The following PRTFDC1 variants were observed in gnomAD, a reference collection of about 807,000 sequenced individuals.
PRTFDC1 encodes phosphoribosyl transferase domain containing 1, also known as phosphoribosyltransferase domain-containing protein 1.
In PRTFDC1, 38 loss-of-function variants were observed where a neutral mutation model predicts 34.6. The ratio of observed to expected loss-of-function variants is 1.10; its 90% CI spans 0.85 to 1.44. PRTFDC1 has a LOEUF of 1.44. Among genes scored for constraint, PRTFDC1 ranks in the 40% most tolerant of loss-of-function variants. The pLI, the probability that PRTFDC1 is intolerant of heterozygous loss-of-function variation, is 0.00. For synonymous variants in PRTFDC1, 93 were observed against 98.1 expected, an observed-to-expected ratio of 0.95 and a Z score of 0.31; for missense variants, 270 against 283.0, an observed-to-expected ratio of 0.95 and a Z score of 0.33.
In PRTFDC1 at chr10:24,872,702, C is replaced by T. The variant is rs147149138; in HGVS notation, c.340-639G>A. ...GTGTGTGTGTGTATATATATATATA[C>T]ACAAAATATATATAATACACAAAAT... On this transcript the variant is annotated intron_variant, in intron 3 of 8. Transcript: ENST00000320152. Among the ~76,000 whole-genome samples, 20 of 131,726 alleles carry T rather than the reference C, an allele frequency of 1.5e-4. No individual in the cohort carries two copies. In the East Asian group the frequency reaches 3.8e-3, roughly 25 times the overall value. 86.4% of individuals were successfully genotyped at this position (131,726 alleles called of 152,430 possible). A position where few individuals can be genotyped will look rare whatever the true frequency, so the allele number is the denominator to read the frequency against.
rs1032366112 is a variant in PRTFDC1, at chr10:24,950,175, C to T, written c.48+2353G>A. ...TTGTTTTTTAGACTTCAACAATTTA[C>T]CTACTCTATCCGTGCATCTAGATTC... On this transcript the variant is annotated intron_variant, in intron 1 of 8. Coordinates refer to ENST00000320152, the MANE Select transcript of PRTFDC1 (RefSeq NM_020200.7). 8.5e-5 allele frequency among the ~76,000 whole-genome samples: 13 copies of T among 152,154 alleles called. 1 individual carries two copies. Among genetic ancestry groups the T allele is most frequent in the Admixed American group, 8.5e-4 (13 of 15,270 alleles).
intron 3 of PRTFDC1, 131 bp downstream of exon 3, chr10:24,937,053 A>G: frequency 1.1e-6 from 1 of 878,540 alleles, no homozygotes; most frequent in African/African-American, 1.7e-5. Flanking sequence ...TATTCTTGCA[A>G]ATTAAAATTA....
At chr10:24,885,194 G>A (rs1055547418) in intron 3 of PRTFDC1, among the ~76,000 whole-genome samples, 5 of 152,154 alleles carry the variant, frequency 3.3e-5, no homozygotes, top group African/African-American at 7.2e-5. Context: ...TTGTATTCTC[G>A]TCCTGGGACC....
chr10:24,889,507 T>A (rs11014283), intron 3 of PRTFDC1, among the ~76,000 whole-genome samples: 1 of 151,896 alleles, frequency 6.6e-6, no homozygotes, highest in Non-Finnish European at 1.5e-5. Flanking sequence ...TGTAAGAAAC[T>A]TTAAGCAAAA....
At chr10:24,905,949 T>C (rs145859316) in intron 3 of PRTFDC1, among the ~76,000 whole-genome samples, 1 of 152,092 alleles carries the variant, frequency 6.6e-6, no homozygotes, top group Non-Finnish European at 1.5e-5. Flanking sequence ...TCTATCTCCA[T>C]GAGTTCAATT....
chr10:24,901,442 T>C (rs77715437), intron 3 of PRTFDC1, among the ~76,000 whole-genome samples: 1 of 152,166 alleles, frequency 6.6e-6, no homozygotes, highest in African/African-American at 2.4e-5. Context: ...AAAATGTTTT[T>C]TATTTTAAAG....
intron 4 of PRTFDC1, among the ~76,000 whole-genome samples, chr10:24,869,993 C>T (rs1324351910): frequency 2.0e-5 from 3 of 152,212 alleles, no homozygotes; most frequent in East Asian, 3.8e-4. Flanking sequence ...TGGTCTCTGC[C>T]CACTTCATGC....
intron 3 of PRTFDC1, among the ~76,000 whole-genome samples, chr10:24,879,478 G>T (rs1293249848): frequency 2.6e-5 from 4 of 152,026 alleles, no homozygotes; most frequent in African/African-American, 9.7e-5. Context: ...CAAGTAACTG[G>T]GATTACAGGT....
intron 1 of PRTFDC1, among the ~76,000 whole-genome samples, chr10:24,950,919 A>G (rs145556054): frequency 3.3e-5 from 5 of 152,306 alleles, no homozygotes; most frequent in African/African-American, 1.2e-4. Context: ...CAAATTGCCT[A>G]CAGTGCAGGC....
rs139811615 is a variant in PRTFDC1, at chr10:24,947,316, T to C, written c.49-4880A>G. ...ATGCTTTGCTAACTTCAATGGTGCA[T>C]GCAAATCGTGTTGTAAATAAATCAA... On this transcript the variant is annotated intron_variant, in intron 1 of 8. Transcript: ENST00000320152. Among the ~76,000 whole-genome samples the C allele has an allele frequency of 2.0e-3, 309 of 152,336 alleles. 1 individual carries two copies. The highest frequency in any genetic ancestry group is 7.2e-3 in the African/African-American group (298 of 41,586).
chr10:24,918,349 T>TCA (rs1848729033), intron 3 of PRTFDC1, among the ~76,000 whole-genome samples: 1 of 152,180 alleles, frequency 6.6e-6, no homozygotes, highest in Non-Finnish European at 1.5e-5. Context: ...TCATATCATA[T>TCA]TATATATATC....
chr10:24,876,833 A>T (rs1430123085), intron 3 of PRTFDC1, among the ~76,000 whole-genome samples: 1 of 99,104 alleles, frequency 1.0e-5, no homozygotes, highest in Non-Finnish European at 2.1e-5. Flanking sequence ...CTTTCCCCCA[A>T]CCCCCCGCCC....
intron 3 of PRTFDC1, among the ~76,000 whole-genome samples, chr10:24,893,462 T>C (rs1848299104): frequency 1.3e-5 from 2 of 151,872 alleles, no homozygotes; most frequent in African/African-American, 4.8e-5. Flanking sequence ...TTAGTGTTTT[T>C]TTGTTTTGTT....
chr10:24,938,434 G>C (rs1849090244), intron 2 of PRTFDC1, among the ~76,000 whole-genome samples: 1 of 152,190 alleles, frequency 6.6e-6, no homozygotes, highest in Non-Finnish European at 1.5e-5. Flanking sequence ...TGAGTCTGGG[G>C]CATTCTTGTG....
rs746586469 is a variant in PRTFDC1 at position 24,849,793 on chromosome 10, C to T, written c.*51G>A. On this transcript the variant is annotated 3_prime_UTR_variant, in exon 9 of 9. Coordinates refer to ENST00000320152, the MANE Select transcript of PRTFDC1 (RefSeq NM_020200.7). Reference sequence around the variant, plus strand: ...AACTTGACAGCTGGCTTCCCAAGTACAGGCGTAAATATGATGCTATCTGGG... The same window carrying T: ...AACTTGACAGCTGGCTTCCCAAGTATAGGCGTAAATATGATGCTATCTGGG... The T allele has an allele frequency of 4.4e-6, 7 of 1,578,636 alleles. No homozygotes were observed. The highest frequency in any genetic ancestry group is 2.2e-5 in the East Asian group (1 of 44,630).
chr10:24,947,594 A>C (rs569305160), intron 1 of PRTFDC1, among the ~76,000 whole-genome samples: 11 of 152,324 alleles, frequency 7.2e-5, no homozygotes, highest in Admixed American at 2.0e-4. Context: ...TTTCGCACTG[A>C]AGATGCACTG....
At chr10:24,853,438 C>A (rs1341483689) in intron 7 of PRTFDC1, among the ~76,000 whole-genome samples, 1 of 151,944 alleles carries the variant, frequency 6.6e-6, no homozygotes, top group Middle Eastern at 3.2e-3. Flanking sequence ...ATGGTGAAAC[C>A]CCATCTCTAC....
rs1298779889 is a variant in PRTFDC1, at chr10:24,929,058, AAGAAAGAAAGAAAG to A, written c.339+8112_339+8125del. Among the ~76,000 whole-genome samples, 7 of 128,606 alleles carry A rather than the reference AAGAAAGAAAGAAAG, an allele frequency of 5.4e-5. 1 individual carries two copies. Among genetic ancestry groups the A allele is most frequent in the African/African-American group, 2.4e-4 (7 of 29,156 alleles). 84.4% of individuals were successfully genotyped at this position (128,606 alleles called of 152,430 possible). Reference sequence around the variant, plus strand: ...TCCGTCTCAAAAAAAAAAAAAAAGAAAGAAAGAAAGAAAGAAAGGGAGGCTTTCAATTCCAGGCA... The same window carrying A: ...TCCGTCTCAAAAAAAAAAAAAAAGAAAAAGGGAGGCTTTCAATTCCAGGCA... On this transcript the variant is annotated intron_variant, in intron 3 of 8. Coordinates refer to ENST00000320152, the MANE Select transcript of PRTFDC1 (RefSeq NM_020200.7).
At chr10:24,908,706 G>A in intron 3 of PRTFDC1, 1 of 1,566,590 alleles carries the variant, frequency 6.4e-7, no homozygotes, top group Non-Finnish European at 8.6e-7. Flanking sequence ...GACACACATG[G>A]AGCAGTGAGG....
Sources: allele counts gnomAD v4.1 joint callset (sites outside exome capture counted in the v4.1 genomes callset), GRCh38; gene constraint gnomAD v4.1.1; transcripts MANE v1.5; gene names NCBI Gene and HGNC (gene_info 2026-07-23, HGNC 2026-07-21).